The following SDK1 variants were observed in gnomAD, a reference collection of about 807,000 sequenced individuals.
SDK1 encodes protein sidekick-1.
In SDK1, 157 loss-of-function variants were observed where a neutral mutation model predicts 245.5. The observed-to-expected ratio is 0.64, with a 90% CI of 0.56 to 0.73. SDK1 has a LOEUF of 0.73. SDK1 is among the 30% of genes least tolerant of loss of function. The pLI, the probability that SDK1 is intolerant of heterozygous loss-of-function variation, is 0.00. For synonymous variants in SDK1, 1,647 were observed against 1,278.5 expected, an observed-to-expected ratio of 1.29 and a Z score of -6.15; for missense variants, 3,583 against 3,002.3, an observed-to-expected ratio of 1.19 and a Z score of -4.52.
chr7:3,732,657 C>A (rs1779213857), intron 4 of SDK1, among the ~76,000 whole-genome samples: 1 of 152,204 alleles, frequency 6.6e-6, no homozygotes, highest in Non-Finnish European at 1.5e-5. Context: ...CGCAGTGTGT[C>A]TCCTTCATTC....
intron 1 of SDK1, among the ~76,000 whole-genome samples, chr7:3,581,985 A>G (rs1403604116): frequency 6.6e-6 from 1 of 152,228 alleles, no homozygotes; most frequent in East Asian, 1.9e-4. Flanking sequence ...ACCGGGGCCT[A>G]CTTGAGGGTG....
intron 1 of SDK1, among the ~76,000 whole-genome samples, chr7:3,327,413 T>A (rs1013516744): frequency 6.6e-6 from 1 of 152,178 alleles, no homozygotes. Context: ...TTTATTTATA[T>A]ACAGCTGCTG....
intron 4 of SDK1, among the ~76,000 whole-genome samples, chr7:3,716,483 C>T (rs1785205143): frequency 6.6e-6 from 1 of 152,144 alleles, no homozygotes; most frequent in Non-Finnish European, 1.5e-5. Context: ...CGTGTTATCA[C>T]GTGTAATATC....
In SDK1 at chr7:4,239,443, G is replaced by A. The variant is rs527709918; in HGVS notation, c.6130+1659G>A. ...TAAGATTAGCATAGCTTGTGCATTT[G>A]ATTATCGTCAATTTTAAAAACCTCA... On this transcript the variant is annotated intron_variant, in intron 42 of 44. Coordinates refer to ENST00000404826, the MANE Select transcript of SDK1 (RefSeq NM_152744.4). Among the ~76,000 whole-genome samples the A allele has an allele frequency of 1.2e-4, 18 of 152,322 alleles. No individual in the cohort carries two copies. In the South Asian group the frequency reaches 3.7e-3, roughly 32 times the overall value.
Position 3,529,258 on chromosome 7 carries a change from T to C in SDK1, c.299-89822T>C, listed in dbSNP as rs115464768. 1.2e-3 allele frequency among the ~76,000 whole-genome samples: 176 copies of C among 152,306 alleles called. 1 individual carries two copies. The highest frequency in any genetic ancestry group is 4.0e-3 in the African/African-American group (166 of 41,570). ...AGGCCTAGGAGCAGTCAATCACTTA[T>C]CAGCAGTGAGTTTGCCAACTGCCTA... On this transcript the variant is annotated intron_variant, in intron 1 of 44. Coordinates refer to ENST00000404826, the MANE Select transcript of SDK1 (RefSeq NM_152744.4).
Position 3,456,358 on chromosome 7 carries a change from A to T in SDK1, c.298+154474A>T, listed in dbSNP as rs573338831. The stretch of plus-strand genomic sequence containing the variant: ...GAAGCTCTACTGACATAAATGTTGG[A>T]TCTTTTGCTTTTGTATTACAGGCTC... On this transcript the variant is annotated intron_variant, in intron 1 of 44. Transcript: ENST00000404826. 2.6e-5 allele frequency among the ~76,000 whole-genome samples: 4 copies of T among 152,096 alleles called. No homozygotes were observed. The South Asian group carries it at 8.3e-4, about 32-fold the overall frequency.
chr7:4,235,769 A>G (rs1049658078), intron 41 of SDK1, among the ~76,000 whole-genome samples: 2 of 152,232 alleles, frequency 1.3e-5, no homozygotes, highest in African/African-American at 2.4e-5. Context: ...TGGCCTTGCC[A>G]TGAGCTGGAC....
chr7:3,336,208 G>C lies in SDK1; in HGVS notation c.298+34324G>C, dbSNP rs147019613. ...CTGCCCTCCTCCCTTCCCAGGCTTC[G>C]AGAGCAGGCAGCATGCTTCGGTTCC... On this transcript the variant is annotated intron_variant, in intron 1 of 44. Transcript: ENST00000404826. Among the ~76,000 whole-genome samples, 332 of 152,304 alleles carry C rather than the reference G, an allele frequency of 2.2e-3. 1 individual carries two copies. The highest frequency in any genetic ancestry group is 7.5e-3 in the African/African-American group (313 of 41,564).
chr7:3,334,378 A>G (rs1780146275), intron 1 of SDK1, among the ~76,000 whole-genome samples: 1 of 152,194 alleles, frequency 6.6e-6, no homozygotes, highest in South Asian at 2.1e-4. Context: ...TGAGAGAAGA[A>G]GCTGTCGGGT....
rs948446408 is a variant in SDK1, at chr7:3,951,645, A to C, written c.960-85A>C. On this transcript the variant is annotated intron_variant, in intron 6 of 44. Transcript: ENST00000404826. Reference sequence around the variant, plus strand: ...GCACCCTGGTAGCATTAGCTTCGTCAAGCCTGTGCCGAGTGCCTGAGATGA... The same window carrying C: ...GCACCCTGGTAGCATTAGCTTCGTCCAGCCTGTGCCGAGTGCCTGAGATGA... The C allele has an allele frequency of 7.9e-6, 10 of 1,267,162 alleles. No homozygotes were observed. The African/African-American group carries it at 1.3e-4, about 17-fold the overall frequency. The allele number at this position is 1,267,162 out of a possible 1,614,324, so 78.5% of individuals were successfully genotyped here. A position where few individuals can be genotyped will look rare whatever the true frequency, so the allele number is the denominator to read the frequency against.
chr7:3,787,186 A>ACACACACT (rs1554262332), intron 4 of SDK1, among the ~76,000 whole-genome samples: 4 of 147,300 alleles, frequency 2.7e-5, no homozygotes, highest in African/African-American at 1.0e-4. Flanking sequence ...ACACACACAC[A>ACACACACT]CTCCCATACA....
At chr7:3,401,891 G>A (rs1369745133) in intron 1 of SDK1, among the ~76,000 whole-genome samples, 4 of 152,134 alleles carry the variant, frequency 2.6e-5, no homozygotes, top group Non-Finnish European at 4.4e-5. Context: ...TGGATTTGAA[G>A]ACCAGTGCAT....
At chr7:3,735,117 T>G (rs1347467330) in intron 4 of SDK1, among the ~76,000 whole-genome samples, 1 of 152,162 alleles carries the variant, frequency 6.6e-6, no homozygotes, top group East Asian at 1.9e-4. Context: ...CATTAATTGC[T>G]TTTACTACAT....
chr7:3,862,706 G>A (rs931351130), intron 5 of SDK1, among the ~76,000 whole-genome samples: 2 of 152,146 alleles, frequency 1.3e-5, no homozygotes, highest in Admixed American at 6.5e-5. Flanking sequence ...TTGAGCTTGA[G>A]TTACTAGTGG....
intron 1 of SDK1, among the ~76,000 whole-genome samples, chr7:3,562,620 GT>G (rs1257126190): frequency 6.6e-6 from 1 of 152,140 alleles, no homozygotes; most frequent in Admixed American, 6.5e-5. Context: ...GAGGAAACTG[GT>G]TTTTAAAACT....
intron 1 of SDK1, among the ~76,000 whole-genome samples, chr7:3,481,127 C>T (rs1049607266): frequency 2.6e-4 from 40 of 151,846 alleles, no homozygotes; most frequent in African/African-American, 8.7e-4. Context: ...TTATTTTGTC[C>T]TTTCACTTTT....
chr7:3,351,411 A>G (rs1780657089), intron 1 of SDK1, among the ~76,000 whole-genome samples: 1 of 152,160 alleles, frequency 6.6e-6, no homozygotes, highest in South Asian at 2.1e-4. Context: ...GGAGGCAGGA[A>G]AAACAGAAAG....
chr7:4,239,785 A>T (rs60042489), intron 42 of SDK1, among the ~76,000 whole-genome samples: 10,795 of 152,232 alleles, frequency 0.071, 486 homozygotes, highest in East Asian at 0.16. Context: ...AGCTCAGCTC[A>T]TTTGTTGGAG....
At chr7:4,230,986 G>T (rs1223097359) in intron 40 of SDK1, among the ~76,000 whole-genome samples, 1 of 152,164 alleles carries the variant, frequency 6.6e-6, no homozygotes. Context: ...CGCATTTGTG[G>T]ATGAATAAGG....
Sources: allele counts gnomAD v4.1 joint callset (sites outside exome capture counted in the v4.1 genomes callset), GRCh38; gene constraint gnomAD v4.1.1; transcripts MANE v1.5; gene names NCBI Gene and HGNC (gene_info 2026-07-23, HGNC 2026-07-21).